CNBD1: variants seen among roughly 807,000 people sequenced by gnomAD.
CNBD1 encodes cyclic nucleotide binding domain containing 1.
A neutral mutation model predicts 54.4 loss-of-function variants in CNBD1; 71 were observed. The observed-to-expected ratio is 1.30, with a 90% CI of 1.08 to 1.59. The LOEUF (loss-of-function observed/expected upper bound fraction) is 1.59, where lower values mean the gene tolerates loss of function less well. Ranked by LOEUF, CNBD1 falls within the 40% of genes most tolerant of loss-of-function variation. CNBD1 has a pLI of 0.00. For synonymous variants in CNBD1, 182 were observed against 170.7 expected (o/e 1.07, Z -0.51); for missense variants, 659 against 518.0 (o/e 1.27, Z -2.64).
intron 5 of CNBD1, among the ~76,000 whole-genome samples, chr8:87,223,043 G>A (rs191236013): frequency 3.6e-3 from 474 of 132,500 alleles, no homozygotes; most frequent in Non-Finnish European, 5.8e-3. Context: ...TTTCCTTATT[G>A]TCTGATTTTT....
downstream of CNBD1, among the ~76,000 whole-genome samples, chr8:87,385,519 G>T (rs576277055): frequency 8.5e-4 from 130 of 152,192 alleles, no homozygotes; most frequent in Middle Eastern, 0.01. Flanking sequence ...CTTGCTCATT[G>T]CTAGCACAGC....
intron 8 of CNBD1, among the ~76,000 whole-genome samples, chr8:87,338,796 T>A (rs970756237): frequency 6.6e-6 from 1 of 152,142 alleles, no homozygotes; most frequent in Admixed American, 6.6e-5. Context: ...TTAATATGTC[T>A]TGTAATTTTT....
chr8:86,987,988 G>T (rs541183413), intron 4 of CNBD1, among the ~76,000 whole-genome samples: 1 of 152,164 alleles, frequency 6.6e-6, no homozygotes, highest in African/African-American at 2.4e-5. Context: ...CCCGATTTTG[G>T]TATCAGGCTG....
At chr8:87,217,505 CA>C in intron 5 of CNBD1, among the ~76,000 whole-genome samples, 1 of 148,702 alleles carries the variant, frequency 6.7e-6, no homozygotes, top group East Asian at 2.0e-4. Context: ...ATCTAGACAA[CA>C]AACATGGAAA....
chr8:87,270,733 C>G (rs902481069), intron 6 of CNBD1, among the ~76,000 whole-genome samples: 1 of 151,568 alleles, frequency 6.6e-6, no homozygotes, highest in African/African-American at 2.4e-5. Context: ...GTGTCCTAGT[C>G]TTGTTTTGCT....
intron 4 of CNBD1, among the ~76,000 whole-genome samples, chr8:87,106,387 T>C (rs1182179719): frequency 1.3e-5 from 2 of 152,010 alleles, no homozygotes; most frequent in Non-Finnish European, 2.9e-5. Flanking sequence ...AATTTTTGTA[T>C]TTTTGTAGAG....
intron 10 of CNBD1, among the ~76,000 whole-genome samples, chr8:87,373,396 G>C (rs1326677804): frequency 6.6e-6 from 1 of 151,746 alleles, no homozygotes; most frequent in African/African-American, 2.4e-5. Context: ...ATTTTTTAAA[G>C]GCATTATCAC....
At chr8:87,011,525 G>T (rs1365195944) in intron 4 of CNBD1, among the ~76,000 whole-genome samples, 1 of 151,804 alleles carries the variant, frequency 6.6e-6, no homozygotes, top group Non-Finnish European at 1.5e-5. Context: ...AGGGGTGTGG[G>T]GCTGTTATCT....
intron 4 of CNBD1, among the ~76,000 whole-genome samples, chr8:87,087,320 C>A (rs1811120534): frequency 6.8e-6 from 1 of 146,148 alleles, no homozygotes; most frequent in Admixed American, 6.8e-5. Flanking sequence ...ATATAAAACA[C>A]CAAACTAGAC....
rs76424718 is a variant in CNBD1, at chr8:87,198,187, A to G, written c.432-7806A>G. On this transcript the variant is annotated intron_variant, in intron 4 of 10. Transcript: ENST00000518476. ...ACTTGTTTTAATCTTCCTTTTTCCAATTATGTGATAGCCTTGAATCATAGC... is the reference window on the plus strand; with the variant it reads ...ACTTGTTTTAATCTTCCTTTTTCCAGTTATGTGATAGCCTTGAATCATAGC... Among the ~76,000 whole-genome samples the G allele has an allele frequency of 3.8e-3, 577 of 152,268 alleles. 23 individuals are homozygous for G. The East Asian group carries it at 0.085, about 22-fold the overall frequency.
intron 1 of CNBD1, among the ~76,000 whole-genome samples, chr8:86,870,766 A>T (rs1808432667): frequency 6.6e-6 from 1 of 152,318 alleles, no homozygotes; most frequent in South Asian, 2.1e-4. Context: ...ACGAAGAAAA[A>T]CAGGGAAGTG....
intron 4 of CNBD1, among the ~76,000 whole-genome samples, chr8:87,103,223 T>A (rs1811467714): frequency 1.3e-5 from 2 of 151,942 alleles, no homozygotes; most frequent in South Asian, 4.1e-4. Flanking sequence ...GTATGGTGAG[T>A]AGGATGGGAA....
At chr8:87,387,484 C>T (rs1223666426), downstream of CNBD1, among the ~76,000 whole-genome samples, 1 of 152,022 alleles carries the variant, frequency 6.6e-6, no homozygotes, top group Admixed American at 6.6e-5. Flanking sequence ...GACTTTAAAC[C>T]AACAAAGATC....
chr8:86,870,677 T>C (rs1056594765), intron 1 of CNBD1, among the ~76,000 whole-genome samples: 2 of 152,132 alleles, frequency 1.3e-5, no homozygotes, highest in Non-Finnish European at 2.9e-5. Context: ...TTTGAAAAAG[T>C]GAATATTGTA....
At chr8:86,984,472 C>G (rs1263656302) in intron 4 of CNBD1, among the ~76,000 whole-genome samples, 2 of 152,156 alleles carry the variant, frequency 1.3e-5, no homozygotes, top group Non-Finnish European at 2.9e-5. Flanking sequence ...CCACCAACAT[C>G]TTGCACTGTG....
intron 8 of CNBD1, among the ~76,000 whole-genome samples, chr8:87,339,138 G>A (rs1235914551): frequency 6.6e-6 from 1 of 152,062 alleles, no homozygotes; most frequent in African/African-American, 2.4e-5. Context: ...AGAAGATCTT[G>A]TTAAGGAGAA....
chr8:87,171,093 A>G (rs1813075964), intron 4 of CNBD1, among the ~76,000 whole-genome samples: 1 of 152,174 alleles, frequency 6.6e-6, no homozygotes, highest in African/African-American at 2.4e-5. Context: ...TAGGATTGGT[A>G]TTAGTGCTTC....
At position 86,979,422 on chromosome 8, in the gene CNBD1, AAAAAAAG is replaced by A. The variant is rs1341955985; in HGVS notation, c.431+39669_431+39675del. On this transcript the variant is annotated intron_variant, in intron 4 of 10. Coordinates refer to ENST00000518476, the MANE Select transcript of CNBD1 (RefSeq NM_173538.3). ...CTCTACAAAAAAAAAAAAAAAAAAA[AAAAAAAG>A]GCAAAAACAATTTAGCCTGCCATGG... Among the ~76,000 whole-genome samples the A allele has an allele frequency of 3.6e-4, 53 of 145,540 alleles. 6 individuals carry two copies. The highest frequency in any genetic ancestry group is 1.5e-3 in the South Asian group (7 of 4,646).
Position 87,283,141 on chromosome 8 carries a change from T to C in CNBD1, c.772-1537T>C, listed in dbSNP as rs1030026221. 6.6e-5 allele frequency among the ~76,000 whole-genome samples: 10 copies of C among 152,218 alleles called. 1 individual carries two copies. Among genetic ancestry groups the C allele is most frequent in the African/African-American group, 2.4e-4 (10 of 41,564 alleles). ...CTTCTACATTTTATTCCAGAGTATT[T>C]TCTTGTATATTATCCATGTAATGAA... is the stretch of plus-strand genomic sequence containing the variant. On this transcript the variant is annotated intron_variant, in intron 6 of 10. Transcript: ENST00000518476.
Sources: gnomAD v4.1 joint callset for allele counts (sites outside exome capture counted in the v4.1 genomes callset) on GRCh38, gnomAD v4.1.1 for gene constraint, MANE v1.5 for transcripts, NCBI Gene and HGNC (gene_info 2026-07-23, HGNC 2026-07-21) for gene names.